Variants in PTPRM observed in about 807,000 individuals in gnomAD.
PTPRM encodes protein tyrosine phosphatase receptor type M.
A neutral mutation model predicts 186.7 loss-of-function variants in PTPRM; 47 were observed. That is an observed-to-expected ratio of 0.25 (90% CI 0.20 to 0.32). PTPRM has a LOEUF of 0.32. Among genes scored for constraint, PTPRM ranks in the 10% least tolerant of loss-of-function variants. The pLI is 1.00. For missense variants in PTPRM, 1,494 were observed against 1,865.0 expected (o/e 0.80, Z 3.66); for synonymous variants, 668 against 674.9 (o/e 0.99, Z 0.16).
intron 4 of PTPRM, among the ~76,000 whole-genome samples, chr18:7,919,191 TA>T (rs1446454782): frequency 1.6e-4 from 24 of 152,338 alleles, no homozygotes; most frequent in South Asian, 4.1e-4. Flanking sequence ...TTTTGGTTAC[TA>T]AAGCTTTATA....
At chr18:7,950,272 G>A (rs1216932645) in intron 6 of PTPRM, among the ~76,000 whole-genome samples, 1 of 152,152 alleles carries the variant, frequency 6.6e-6, no homozygotes, top group African/African-American at 2.4e-5. Context: ...AGGTGTGGTG[G>A]CAGTGCCTAT....
At chr18:8,042,201 A>G (rs1039878404) in intron 7 of PTPRM, among the ~76,000 whole-genome samples, 2 of 152,224 alleles carry the variant, frequency 1.3e-5, no homozygotes, top group African/African-American at 2.4e-5. Context: ...ATTAAAATAC[A>G]TTAGAATTTA....
At chr18:7,793,801 C>T (rs2043461325) in intron 2 of PTPRM, among the ~76,000 whole-genome samples, 2 of 152,128 alleles carry the variant, frequency 1.3e-5, no homozygotes, top group Non-Finnish European at 2.9e-5. Flanking sequence ...CATCCTGGCC[C>T]ACCACACCCC....
At position 8,333,503 on chromosome 18, in the gene PTPRM, C is replaced by G. The variant is rs584741; in HGVS notation, c.2957-9920C>G. 2.8e-3 allele frequency among the ~76,000 whole-genome samples: 419 copies of G among 152,284 alleles called. 1 individual carries two copies. Among genetic ancestry groups the G allele is most frequent in the Non-Finnish European group, 4.8e-3 (324 of 68,016 alleles). ...TTATGGAAGCATCATATTGAAAAAT[C>G]ACATAAAGCTTTATAATAAAAACTT... On this transcript the variant is annotated intron_variant, in intron 22 of 32. Transcript: ENST00000580170.
intron 11 of PTPRM, among the ~76,000 whole-genome samples, chr18:8,089,363 ATTAGAG>A (rs879826060): frequency 2.0e-5 from 3 of 152,206 alleles, no homozygotes; most frequent in African/African-American, 7.2e-5. Flanking sequence ...ATCTGAACAG[ATTAGAG>A]TTAATTACCA....
At chr18:7,584,082 A>C (rs532873988) in intron 1 of PTPRM, among the ~76,000 whole-genome samples, 2 of 152,324 alleles carry the variant, frequency 1.3e-5, no homozygotes, top group African/African-American at 4.8e-5. Context: ...AGTACTCTAC[A>C]GTGGTTATGT....
At chr18:7,696,407 A>G (rs1230264764) in intron 1 of PTPRM, among the ~76,000 whole-genome samples, 3 of 152,198 alleles carry the variant, frequency 2.0e-5, no homozygotes, top group Non-Finnish European at 2.9e-5. Flanking sequence ...ATGTTTTTAT[A>G]TATGATACTC....
chr18:8,218,953 C>A (rs991068762), intron 14 of PTPRM, among the ~76,000 whole-genome samples: 1 of 152,148 alleles, frequency 6.6e-6, no homozygotes, highest in African/African-American at 2.4e-5. Flanking sequence ...GATTTCTTTC[C>A]AGAGAGGGCT....
chr18:7,928,584 T>A (rs1180327351), intron 5 of PTPRM, among the ~76,000 whole-genome samples: 1 of 152,240 alleles, frequency 6.6e-6, no homozygotes, highest in Non-Finnish European at 1.5e-5. Context: ...TTTGTTCCTT[T>A]GATTTATCTC....
intron 2 of PTPRM, among the ~76,000 whole-genome samples, chr18:7,856,743 CA>C (rs5822986): frequency 5.5e-4 from 77 of 140,530 alleles, no homozygotes; most frequent in Non-Finnish European, 6.0e-4. Context: ...GACCCTGTCT[CA>C]AAAAAAAAAA....
At chr18:8,392,796 C>G (rs2095823231) in intron 31 of PTPRM, among the ~76,000 whole-genome samples, 1 of 152,134 alleles carries the variant, frequency 6.6e-6, no homozygotes, top group Non-Finnish European at 1.5e-5. Flanking sequence ...GGAGCTCCCA[C>G]TGGCCAAAGC....
intron 22 of PTPRM, among the ~76,000 whole-genome samples, chr18:8,337,086 T>A (rs1598352364): frequency 6.6e-6 from 1 of 152,156 alleles, no homozygotes; most frequent in African/African-American, 2.4e-5. Flanking sequence ...AGGGAATAAG[T>A]TTTGGCAGAG....
chr18:8,173,629 T>C (rs947004927), intron 14 of PTPRM, among the ~76,000 whole-genome samples: 2 of 152,112 alleles, frequency 1.3e-5, no homozygotes, highest in Admixed American at 6.5e-5. Context: ...CAAATCAATC[T>C]CTCCAAACAT....
At chr18:8,393,078 T>C (rs2095825234) in intron 31 of PTPRM, among the ~76,000 whole-genome samples, 1 of 152,216 alleles carries the variant, frequency 6.6e-6, no homozygotes, top group Non-Finnish European at 1.5e-5. Context: ...AATATTTGCG[T>C]AGTCCCAAAA....
chr18:8,258,022 T>C (rs1014680841), intron 19 of PTPRM, among the ~76,000 whole-genome samples: 1 of 152,198 alleles, frequency 6.6e-6, no homozygotes, highest in Non-Finnish European at 1.5e-5. Flanking sequence ...ATATGGCACC[T>C]CTCACCAGGG....
intron 1 of PTPRM, among the ~76,000 whole-genome samples, chr18:7,707,546 G>T (rs2040121110): frequency 6.6e-6 from 1 of 152,038 alleles, no homozygotes; most frequent in Admixed American, 6.6e-5. Flanking sequence ...GGTTGAGGTG[G>T]GGGGATTGCT....
At chr18:7,905,138 C>T (rs974678589) in intron 3 of PTPRM, among the ~76,000 whole-genome samples, 1 of 152,122 alleles carries the variant, frequency 6.6e-6, no homozygotes, top group Non-Finnish European at 1.5e-5. Context: ...GGATTACAGG[C>T]GTATGCCACC....
At chr18:7,827,889 A>G (rs2045567546) in intron 2 of PTPRM, among the ~76,000 whole-genome samples, 1 of 152,154 alleles carries the variant, frequency 6.6e-6, no homozygotes, top group South Asian at 2.1e-4. Flanking sequence ...CACATATTCC[A>G]CTTGTATTGT....
chr18:7,602,425 G>A lies in PTPRM; in HGVS notation c.73+34534G>A, dbSNP rs148242982. Among the ~76,000 whole-genome samples, 11 of 150,196 alleles carry A rather than the reference G, an allele frequency of 7.3e-5. No individual in the cohort carries two copies. In the East Asian group the frequency reaches 2.0e-3, roughly 27 times the overall value. On this transcript the variant is annotated intron_variant, in intron 1 of 32. Coordinates refer to ENST00000580170, the MANE Select transcript of PTPRM (RefSeq NM_001105244.2). Reference sequence around the variant, plus strand: ...GGGTTATCTGGGAAGTTTGATTGTGGCAATTTTTTTTTTTTTTTTTGAGAC... The same window carrying A: ...GGGTTATCTGGGAAGTTTGATTGTGACAATTTTTTTTTTTTTTTTTGAGAC...
Sources: gnomAD v4.1 joint callset for allele counts (sites outside exome capture counted in the v4.1 genomes callset) on GRCh38, gnomAD v4.1.1 for gene constraint, MANE v1.5 for transcripts, NCBI Gene and HGNC (gene_info 2026-07-23, HGNC 2026-07-21) for gene names.